The following MRC2 variants were observed in gnomAD, a reference collection of about 807,000 sequenced individuals.
MRC2 encodes C-type mannose receptor 2.
Under a neutral mutation model 206.2 loss-of-function variants are expected in MRC2, and 84 were observed. The ratio of observed to expected loss-of-function variants is 0.41; its 90% CI spans 0.34 to 0.49. The LOEUF (loss-of-function observed/expected upper bound fraction) is 0.49. Ranked by LOEUF, MRC2 falls within the 20% of genes least tolerant of loss-of-function variation. The pLI is 0.31. For missense variants in MRC2, 1,676 were observed against 2,001.5 expected, an observed-to-expected ratio of 0.84 and a Z score of 3.10; for synonymous variants, 798 against 800.0, an observed-to-expected ratio of 1.00 and a Z score of 0.04.
intron 1 of MRC2, among the ~76,000 whole-genome samples, chr17:62,631,996 C>T (rs938699986): frequency 2.0e-5 from 3 of 152,212 alleles, no homozygotes; most frequent in East Asian, 3.9e-4. Flanking sequence ...TGATAGGAAG[C>T]GTGTCTTCCT....
At chr17:62,647,549 C>T (rs1321273042) in intron 1 of MRC2, among the ~76,000 whole-genome samples, 3 of 152,190 alleles carry the variant, frequency 2.0e-5, no homozygotes, top group Non-Finnish European at 2.9e-5. Flanking sequence ...ACCCTTTATA[C>T]ATTTCTGTTG....
In MRC2 at chr17:62,681,071, G is replaced by A; in HGVS notation, c.2644G>A (p.Ala882Thr). The A allele has an allele frequency of 6.2e-7, 1 of 1,613,530 alleles. No individual in the cohort carries two copies. The highest frequency in any genetic ancestry group is 8.5e-7 in the Non-Finnish European group (1 of 1,179,994). Residue 882 changes from alanine (A) to threonine (T), a missense_variant, in exon 18 of 30, where the codon GCC (alanine) becomes ACC (threonine). Ala to Thr is a moderately conservative substitution (Grantham distance 58). Around this residue, in one of 3 missense-constraint regions of MRC2, gnomAD observed 1,354 missense variants for 1,636.6 expected, o/e 0.83. Coordinates refer to ENST00000303375, the MANE Select transcript of MRC2 (RefSeq NM_006039.5). Reference sequence around the variant, plus strand: ...CGCCTGGCTTCTCCAGTTCTCCCGGGCCCAGGAGCAGCACTGGTGGATCGG... The same window carrying A: ...CGCCTGGCTTCTCCAGTTCTCCCGGACCCAGGAGCAGCACTGGTGGATCGG... ...LSHNLQKFSR[A>T]QEQHWWIGLH...
chr17:62,647,477 G>A (rs1038798424), intron 1 of MRC2, among the ~76,000 whole-genome samples: 4 of 151,780 alleles, frequency 2.6e-5, no homozygotes, highest in East Asian at 1.9e-4. Context: ...GAGCTGCCGC[G>A]CCCTGCCATT....
At position 62,691,135 on chromosome 17, in the gene MRC2, G is replaced by A. The variant is rs367702008; in HGVS notation, c.4192+7G>A. On this transcript the variant is annotated splice_region_variant and intron_variant, in intron 28 of 29. Coordinates refer to ENST00000303375, the MANE Select transcript of MRC2 (RefSeq NM_006039.5). ...GTCTGCAAGCTTCCTCGTGGTGAGC[G>A]CCGGGCAGGCCCACGCTCAGCCTCC... 16 of 1,593,262 alleles carry A rather than the reference G, an allele frequency of 1.0e-5. No individual in the cohort carries two copies. Among genetic ancestry groups the A allele is most frequent in the African/African-American group, 5.4e-5 (4 of 74,038 alleles).
At position 62,690,200 on chromosome 17, in the gene MRC2, C is replaced by T; in HGVS notation, c.3787C>T (p.Gln1263Ter). 1.2e-6 allele frequency: 2 copies of T among 1,612,082 alleles called. No individual in the cohort carries two copies. The highest frequency in any genetic ancestry group is 1.7e-6 in the Non-Finnish European group (2 of 1,178,592). Residue 1263 changes from glutamine (Q) to a stop codon, truncating the protein, a stop_gained, in exon 26 of 30, where the codon CAG (glutamine) becomes TAG (stop). Coordinates refer to ENST00000303375, the MANE Select transcript of MRC2 (RefSeq NM_006039.5). LOFTEE classifies it high-confidence loss of function. ...RRISYHGSCP[Q>*]GLADSAWIPF... ...AATAAGCTACCATGGCAGCTGTCCC[C>T]AGGGACTGGCAGACTCCGCGTGGAT...
In MRC2 at chr17:62,664,890, G is replaced by T. The variant is rs768328261; in HGVS notation, c.461G>T (p.Arg154Leu). Residue 154 changes from arginine to leucine, a missense_variant, in exon 2 of 30, where the codon CGC becomes CTC. Physicochemically the swap from Arg to Leu is moderately radical, Grantham distance 102. Coordinates refer to ENST00000303375, the MANE Select transcript of MRC2 (RefSeq NM_006039.5). This position sits in a 1 kb window ranked among gnomAD's most constrained non-coding sequence, Gnocchi z 4.7. ...ACCCTTGAGCGTGGTGACCAGACCC[G>T]CAGTGGCCAGTGGCGCATCTACGGC... ...PGTLERGDQT[R>L]SGQWRIYGSE... The T allele has an allele frequency of 1.5e-5, 25 of 1,613,216 alleles. No individual in the cohort carries two copies. Among genetic ancestry groups the T allele is most frequent in the African/African-American group, 2.7e-5 (2 of 74,940 alleles).
rs571793821 is a variant in MRC2, at chr17:62,633,840, C to CAAAA, written c.118+5959_118+5962dup. Among the ~76,000 whole-genome samples, 54 of 33,916 alleles carry CAAAA rather than the reference C, an allele frequency of 1.6e-3. 11 individuals are homozygous for CAAAA. Among genetic ancestry groups the CAAAA allele is most frequent in the Non-Finnish European group, 2.2e-3 (43 of 19,750 alleles). The allele number at this position is 33,916 out of a possible 152,430, so 22.3% of individuals were successfully genotyped here. A position where few individuals can be genotyped will look rare whatever the true frequency, so the allele number is the denominator to read the frequency against. ...TGAGTGACAGAGTGAGACCCTGTCT[C>CAAAA]AAAAAAAAAAAAAAAAAAAAAAAAA... On this transcript the variant is annotated intron_variant, in intron 1 of 29. Coordinates refer to ENST00000303375, the MANE Select transcript of MRC2 (RefSeq NM_006039.5).
At chr17:62,630,256 A>G (rs2084205893) in intron 1 of MRC2, among the ~76,000 whole-genome samples, 3 of 152,194 alleles carry the variant, frequency 2.0e-5, no homozygotes, top group Admixed American at 1.3e-4. Flanking sequence ...CCCACGCTCA[A>G]CCCTTCATGT....
chr17:62,674,785 C>T (rs1312976893), intron 9 of MRC2, among the ~76,000 whole-genome samples: 1 of 152,100 alleles, frequency 6.6e-6, no homozygotes, highest in African/African-American at 2.4e-5. Context: ...AGACCCTCTC[C>T]TCCTCCAGGG....
At chr17:62,653,548 G>C (rs1263667245) in intron 1 of MRC2, among the ~76,000 whole-genome samples, 1 of 152,208 alleles carries the variant, frequency 6.6e-6, no homozygotes, top group African/African-American at 2.4e-5. Context: ...ACAGTCTGCA[G>C]CACAGAGATT....
Position 62,691,014 on chromosome 17 carries a change from G to C in MRC2, c.4078G>C (p.Gly1360Arg). 6.2e-7 allele frequency: 1 copy of C among 1,608,902 alleles called. No individual in the cohort carries two copies. Among genetic ancestry groups the C allele is most frequent in the Admixed American group, 1.7e-5 (1 of 58,914 alleles). The change falls in exon 28 of 30, where the codon GGC becomes CGC. Residue 1360 changes from glycine (G) to arginine (R), a missense_variant. Gly to Arg is a moderately radical substitution (Grantham distance 125). Coordinates refer to ENST00000303375, the MANE Select transcript of MRC2 (RefSeq NM_006039.5). ...CTCCAACTGGGGGCCCCCGGGCTTG[G>C]GCCCCAGCATGCTGAGCCACAACAG... Reference protein sequence around the residue: ...NYSNWGPPGLGPSMLSHNSCY... With the variant: ...NYSNWGPPGLRPSMLSHNSCY...
intron 1 of MRC2, among the ~76,000 whole-genome samples, chr17:62,645,498 TA>T (rs1457398366): frequency 0.021 from 1,749 of 84,490 alleles, 87 homozygotes; most frequent in African/African-American, 0.071. Context: ...GTGTATATAT[TA>T]TATATATATA....
At chr17:62,690,854 G>C in intron 27 of MRC2, 93 bp downstream of exon 27, 1 of 1,491,000 alleles carries the variant, frequency 6.7e-7, no homozygotes, top group Non-Finnish European at 8.9e-7. Flanking sequence ...GGGGCTTGTC[G>C]GGGGACAGGG....
Position 62,692,206 on chromosome 17 carries a change from C to T in MRC2, c.4220-25C>T. The T allele has an allele frequency of 6.2e-7, 1 of 1,613,308 alleles. No individual in the cohort carries two copies. Among genetic ancestry groups the T allele is most frequent in the Non-Finnish European group, 8.5e-7 (1 of 1,179,578 alleles). ...CTGCTGGGCCTAACGCCCACTTGGC[C>T]TTTCACGCCCACTCGCCTTGGCAGC... On this transcript the variant is annotated intron_variant, in intron 29 of 29. Transcript: ENST00000303375. This position sits in a 1 kb window ranked among gnomAD's most constrained non-coding sequence, Gnocchi z 4.2.
Position 62,672,774 on chromosome 17 carries a change from T to G in MRC2, c.1461+622T>G, listed in dbSNP as rs1480924589. Among the ~76,000 whole-genome samples the G allele has an allele frequency of 2.0e-5, 3 of 152,102 alleles. No individual in the cohort carries two copies. The East Asian group carries it at 5.8e-4, about 29-fold the overall frequency. On this transcript the variant is annotated intron_variant, in intron 8 of 29. Coordinates refer to ENST00000303375, the MANE Select transcript of MRC2 (RefSeq NM_006039.5). This position sits in a 1 kb window ranked among gnomAD's most constrained non-coding sequence, Gnocchi z 4.5. ...TGGGAGGCTGAGGCAGGCGGATCACTTGAGGTGAGGAGTTCGAGACCAGCC... is the reference window on the plus strand; with the variant it reads ...TGGGAGGCTGAGGCAGGCGGATCACGTGAGGTGAGGAGTTCGAGACCAGCC...
chr17:62,666,139 T>C lies in MRC2; in HGVS notation c.566T>C (p.Ile189Thr). The change falls in exon 3 of 30, where the codon ATC becomes ACC. Residue 189 changes from isoleucine (I) to threonine (T), a missense_variant. Around this residue, in one of 3 missense-constraint regions of MRC2, gnomAD observed 318 missense variants for 346.7 expected, o/e 0.92. Coordinates refer to ENST00000303375, the MANE Select transcript of MRC2 (RefSeq NM_006039.5). This position sits in a 1 kb window ranked among gnomAD's most constrained non-coding sequence, Gnocchi z 5.0. ...QGNSHGKPCT[I>T]PFKYDNQWFH... ...AACTCCCACGGAAAGCCGTGCACCATCCCCTTCAAATATGACAACCAGTGG... is the reference window on the plus strand; with the variant it reads ...AACTCCCACGGAAAGCCGTGCACCACCCCCTTCAAATATGACAACCAGTGG... 1 of 1,598,512 alleles carries C rather than the reference T, an allele frequency of 6.3e-7. No homozygotes were observed. The highest frequency in any genetic ancestry group is 8.5e-7 in the Non-Finnish European group (1 of 1,172,328).
Position 62,680,188 on chromosome 17 carries a change from G to A in MRC2, c.2317G>A (p.Asp773Asn). 1 of 1,614,032 alleles carries A rather than the reference G, an allele frequency of 6.2e-7. No individual in the cohort carries two copies. Among genetic ancestry groups the A allele is most frequent in the Admixed American group, 1.7e-5 (1 of 60,014 alleles). Residue 773 changes from aspartate to asparagine, a missense_variant, in exon 15 of 30, where the codon GAC becomes AAC. Around this residue, in one of 3 missense-constraint regions of MRC2, gnomAD observed 1,354 missense variants for 1,636.6 expected, o/e 0.83. Coordinates refer to ENST00000303375, the MANE Select transcript of MRC2 (RefSeq NM_006039.5). This position sits in a 1 kb window ranked among gnomAD's most constrained non-coding sequence, Gnocchi z 4.8. ...DGVGFSYHNF[D>N]RSRHDDDDIR... ...CCTCCAGTTCTCTTACCACAATTTC[G>A]ACCGGAGCCGGCACGACGACGACGA...
rs571793821 is a variant in MRC2, at chr17:62,633,840, C to CAAAAAA, written c.118+5957_118+5962dup. 2.5e-3 allele frequency among the ~76,000 whole-genome samples: 84 copies of CAAAAAA among 33,918 alleles called. 12 individuals are homozygous for CAAAAAA. The highest frequency in any genetic ancestry group is 4.5e-3 in the Admixed American group (7 of 1,558). The allele number at this position is 33,918 out of a possible 152,430, so 22.3% of individuals were successfully genotyped here. A position where few individuals can be genotyped will look rare whatever the true frequency, so the allele number is the denominator to read the frequency against. On this transcript the variant is annotated intron_variant, in intron 1 of 29. Transcript: ENST00000303375. ...TGAGTGACAGAGTGAGACCCTGTCT[C>CAAAAAA]AAAAAAAAAAAAAAAAAAAAAAAAA... is the stretch of plus-strand genomic sequence containing the variant.
intron 1 of MRC2, among the ~76,000 whole-genome samples, chr17:62,650,793 C>T (rs531920282): frequency 5.3e-4 from 81 of 152,196 alleles, no homozygotes; most frequent in African/African-American, 1.7e-3. Flanking sequence ...CCCAGTTTGC[C>T]GGGGGCAGGC....
Sources: gnomAD v4.1 joint callset for allele counts (sites outside exome capture counted in the v4.1 genomes callset) on GRCh38, gnomAD v4.1.1 for gene constraint, gnomAD v4.1.1 regional missense constraint, Gnocchi (gnomAD v3.1) non-coding constraint, MANE v1.5 for transcripts, NCBI Gene and HGNC (gene_info 2026-07-23, HGNC 2026-07-21) for gene names.